The following JMJD1C variants were observed in gnomAD, a reference collection of about 807,000 sequenced individuals.
JMJD1C encodes jumonji domain containing 1C.
In JMJD1C, 31 loss-of-function variants were observed where a neutral mutation model predicts 245.3. That is an observed-to-expected ratio of 0.13 (90% CI 0.09 to 0.17). JMJD1C has a LOEUF of 0.17. JMJD1C is among the 10% of genes least tolerant of loss of function. The probability of loss-of-function intolerance (pLI) is 1.00; values close to 1 mark genes in which losing one functional copy is unlikely to be tolerated. For synonymous variants in JMJD1C, 1,057 were observed against 1,017.4 expected (o/e 1.04, Z -0.74); for missense variants, 2,691 against 3,000.2 (o/e 0.90, Z 2.41).
chr10:63,444,623 CT>C lies in JMJD1C; in HGVS notation c.168+20871del, dbSNP rs200830089. 8.8e-3 allele frequency among the ~76,000 whole-genome samples: 1,188 copies of C among 134,452 alleles called. 2 individuals carry two copies. The highest frequency in any genetic ancestry group is 0.013 in the African/African-American group (483 of 36,774). The allele number at this position is 134,452 out of a possible 152,430, so 88.2% of individuals were successfully genotyped here. A position where few individuals can be genotyped will look rare whatever the true frequency, so the allele number is the denominator to read the frequency against. On this transcript the variant is annotated intron_variant, in intron 1 of 25. Transcript: ENST00000399262. Reference sequence around the variant, plus strand: ...CAAACAATTACTGAATACCTACTATCTTTTTTTTTTTTTTTTTTGGAGACAG... The same window carrying C: ...CAAACAATTACTGAATACCTACTATCTTTTTTTTTTTTTTTTTGGAGACAG...
chr10:63,173,122 T>A (rs1348796671), intron 24 of JMJD1C, among the ~76,000 whole-genome samples: 1 of 152,070 alleles, frequency 6.6e-6, no homozygotes. Context: ...GTGAACTTTT[T>A]ATACTTTTGA....
Position 63,200,690 on chromosome 10 carries a change from T to TA in JMJD1C, c.5075-14dup, listed in dbSNP as rs1564593933. On this transcript the variant is annotated splice_polypyrimidine_tract_variant and intron_variant, in intron 10 of 25. Transcript: ENST00000399262. ...CGAGGAATGCCAGCTGTAAAATCAG[T>TA]AGGAAAGTTTTAGCAAGATTATGCT... The TA allele has an allele frequency of 6.2e-7, 1 of 1,611,764 alleles. No homozygotes were observed. Among genetic ancestry groups the TA allele is most frequent in the African/African-American group, 1.3e-5 (1 of 74,976 alleles).
At chr10:63,326,646 G>A (rs553728935) in intron 2 of JMJD1C, among the ~76,000 whole-genome samples, 4 of 152,156 alleles carry the variant, frequency 2.6e-5, no homozygotes, top group African/African-American at 9.6e-5. Flanking sequence ...TTGGGAGGCC[G>A]AGGCAGGCAG....
At chr10:63,225,064 A>G (rs1462862876) in intron 3 of JMJD1C, among the ~76,000 whole-genome samples, 1 of 152,086 alleles carries the variant, frequency 6.6e-6, no homozygotes, top group African/African-American at 2.4e-5. Flanking sequence ...CTGTCTCGAA[A>G]AAAAAAGAAA....
chr10:63,411,853 T>C (rs535567948), intron 1 of JMJD1C, among the ~76,000 whole-genome samples: 8 of 151,712 alleles, frequency 5.3e-5, no homozygotes, highest in African/African-American at 1.9e-4. Context: ...CCCACCTACC[T>C]TGGCCTCCCA....
intron 2 of JMJD1C, among the ~76,000 whole-genome samples, chr10:63,301,041 G>A (rs538295091): frequency 6.6e-6 from 1 of 152,000 alleles, no homozygotes; most frequent in East Asian, 1.9e-4. Flanking sequence ...TTTTAAGACA[G>A]AGTCTGCTCT....
chr10:63,248,231 G>A (rs1343010582), intron 3 of JMJD1C, among the ~76,000 whole-genome samples: 5 of 152,122 alleles, frequency 3.3e-5, no homozygotes, highest in Admixed American at 6.5e-5. Context: ...GGGAGGCCGA[G>A]GCAGGTGGAT....
At position 63,512,820 on chromosome 10, in the gene JMJD1C, T is replaced by C. The variant is rs929028877; in HGVS notation, n.113+8918A>G. Among the ~76,000 whole-genome samples the C allele has an allele frequency of 1.4e-4, 21 of 152,296 alleles. No homozygotes were observed. The Middle Eastern group carries it at 0.01, about 74-fold the overall frequency. On this transcript the variant is annotated intron_variant and non_coding_transcript_variant, in intron 1 of 3. Coordinates refer to the JMJD1C transcript ENST00000633035. ...TCTGCTGCTTTGGTATTTCCTTATG[T>C]ATATTTTGCACCTTTGGCAGCTGTC...
intron 1 of JMJD1C, among the ~76,000 whole-genome samples, chr10:63,500,046 A>T (rs1162530810): frequency 6.6e-6 from 1 of 152,254 alleles, no homozygotes; most frequent in Middle Eastern, 3.2e-3. Flanking sequence ...TTAAGGTCTT[A>T]CTAGGGGTAA....
chr10:63,509,317 C>A (rs1954807576), intron 1 of JMJD1C, among the ~76,000 whole-genome samples: 1 of 152,174 alleles, frequency 6.6e-6, no homozygotes, highest in Admixed American at 6.5e-5. Context: ...ATTTTTGGAT[C>A]AAATTTGCTA....
chr10:63,255,410 C>T (rs1589298499), intron 3 of JMJD1C, among the ~76,000 whole-genome samples: 1 of 152,212 alleles, frequency 6.6e-6, no homozygotes, highest in South Asian at 2.1e-4. Flanking sequence ...CAAATGAAAA[C>T]TAGTGTTATG....
At chr10:63,375,306 C>T (rs1946644583) in intron 2 of JMJD1C, among the ~76,000 whole-genome samples, 1 of 150,746 alleles carries the variant, frequency 6.6e-6, no homozygotes, top group African/African-American at 2.4e-5. Context: ...CCCACCTCAG[C>T]TTCCCAAGTA....
intron 1 of JMJD1C, among the ~76,000 whole-genome samples, chr10:63,513,556 ATGTATC>A (rs1236821982): frequency 6.6e-6 from 1 of 152,228 alleles, no homozygotes; most frequent in Non-Finnish European, 1.5e-5. Flanking sequence ...TTCACAAACC[ATGTATC>A]TGACAAAGGT....
intron 2 of JMJD1C, among the ~76,000 whole-genome samples, chr10:63,314,464 G>A (rs1228414852): frequency 6.6e-6 from 1 of 152,174 alleles, no homozygotes; most frequent in Non-Finnish European, 1.5e-5. Context: ...GGAGACTGAG[G>A]TGGGAGAATC....
intron 2 of JMJD1C, among the ~76,000 whole-genome samples, chr10:63,376,904 A>T (rs1001459163): frequency 6.6e-6 from 1 of 152,220 alleles, no homozygotes; most frequent in East Asian, 1.9e-4. Context: ...CATCTGATCC[A>T]GCAATTCTAC....
At chr10:63,487,613 G>A (rs1369851206) in intron 1 of JMJD1C, among the ~76,000 whole-genome samples, 1 of 152,226 alleles carries the variant, frequency 6.6e-6, no homozygotes, top group Admixed American at 6.5e-5. Context: ...AAAGGGACAA[G>A]AAAGTTAAAA....
At chr10:63,220,089 C>G in intron 3 of JMJD1C, 106 bp from the exon 4 acceptor site, 3 of 724,840 alleles carry the variant, frequency 4.1e-6, no homozygotes, top group Non-Finnish European at 6.7e-6. Context: ...TTCCTTTGAT[C>G]TAAATGTATG....
At chr10:63,291,570 A>G (rs769017452) in intron 2 of JMJD1C, among the ~76,000 whole-genome samples, 5 of 150,716 alleles carry the variant, frequency 3.3e-5, no homozygotes, top group African/African-American at 4.9e-5. Flanking sequence ...AGCCGAGATC[A>G]TGCCACTGCA....
At chr10:63,250,763 G>A (rs936195801) in intron 3 of JMJD1C, among the ~76,000 whole-genome samples, 1 of 152,038 alleles carries the variant, frequency 6.6e-6, no homozygotes, top group Non-Finnish European at 1.5e-5. Flanking sequence ...TTTTAAGGGA[G>A]AGTATCTCAC....
Sources: gnomAD v4.1 joint callset for allele counts (sites outside exome capture counted in the v4.1 genomes callset) on GRCh38, gnomAD v4.1.1 for gene constraint, MANE v1.5 for transcripts, NCBI Gene and HGNC (gene_info 2026-07-23, HGNC 2026-07-21) for gene names.